CNTN4: variants seen among roughly 807,000 people sequenced by gnomAD.
CNTN4 encodes contactin 4.
Under a neutral mutation model 122.5 loss-of-function variants are expected in CNTN4, and 77 were observed. That is an observed-to-expected ratio of 0.63 (90% CI 0.52 to 0.76). CNTN4 has a LOEUF of 0.76. CNTN4 is among the 30% of genes least tolerant of loss of function. The pLI is 0.00. For missense variants in CNTN4, 1,256 were observed against 1,259.1 expected (o/e 1.00, Z 0.04); for synonymous variants, 512 against 447.0 (o/e 1.15, Z -1.83).
intron 8 of CNTN4, among the ~76,000 whole-genome samples, chr3:2,878,164 ACT>A (rs1450371765): frequency 1.3e-5 from 2 of 152,048 alleles, no homozygotes; most frequent in African/African-American, 2.4e-5. Context: ...ATTACTGATG[ACT>A]CTGTTATTCA....
intron 4 of CNTN4, among the ~76,000 whole-genome samples, chr3:2,618,108 A>G (rs894652499): frequency 2.4e-4 from 37 of 152,156 alleles, no homozygotes; most frequent in African/African-American, 8.2e-4. Flanking sequence ...GAACAGATAC[A>G]TGTTTACATG....
intron 6 of CNTN4, among the ~76,000 whole-genome samples, chr3:2,800,208 T>C (rs1358049415): frequency 2.0e-5 from 3 of 152,100 alleles, no homozygotes; most frequent in African/African-American, 4.8e-5. Flanking sequence ...AGGAATTGCA[T>C]TGAATCTGTA....
At chr3:2,673,861 G>A (rs1249370366) in intron 4 of CNTN4, among the ~76,000 whole-genome samples, 8 of 152,130 alleles carry the variant, frequency 5.3e-5, no homozygotes, top group Admixed American at 5.2e-4. Context: ...GTTTTAAGAG[G>A]CCTTGCAGCT....
chr3:2,682,338 C>T (rs1220925542), intron 4 of CNTN4, among the ~76,000 whole-genome samples: 2 of 152,136 alleles, frequency 1.3e-5, no homozygotes, highest in Non-Finnish European at 2.9e-5. Context: ...AAAGGTGGCT[C>T]GTTCACTAGG....
At chr3:2,853,791 A>G (rs2093585833) in intron 7 of CNTN4, among the ~76,000 whole-genome samples, 1 of 133,480 alleles carries the variant, frequency 7.5e-6, no homozygotes. Context: ...TGAATTTTAA[A>G]AATCTCTGAT....
rs941034569 is a variant in CNTN4, at chr3:2,778,076, T to C, written c.358+32379T>C. Reference sequence around the variant, plus strand: ...AAAAATACAAAAAATTAGCCGGGCGTGGTGGCGGGCGCCTGTAGTCCCAGC... The same window carrying C: ...AAAAATACAAAAAATTAGCCGGGCGCGGTGGCGGGCGCCTGTAGTCCCAGC... On this transcript the variant is annotated intron_variant, in intron 6 of 24. Transcript: ENST00000418658. Among the ~76,000 whole-genome samples the C allele has an allele frequency of 7.5e-5, 11 of 147,046 alleles. No homozygotes were observed. In the South Asian group the frequency reaches 9.1e-4, roughly 12 times the overall value.
Position 2,645,248 on chromosome 3 carries a change from T to C in CNTN4, c.55+73690T>C, listed in dbSNP as rs538507029. Among the ~76,000 whole-genome samples, 59 of 152,264 alleles carry C rather than the reference T, an allele frequency of 3.9e-4. 1 individual carries two copies. The highest frequency in any genetic ancestry group is 1.0e-3 in the Admixed American group (16 of 15,294). On this transcript the variant is annotated intron_variant, in intron 4 of 24. Transcript: ENST00000418658. ...AAGCCAGTTAGTGACATTATTTCCT[T>C]ATGTTCTAGAAACCTGATAATACCT...
intron 13 of CNTN4, among the ~76,000 whole-genome samples, chr3:2,961,778 C>A (rs1363141122): frequency 6.6e-6 from 1 of 152,102 alleles, no homozygotes; most frequent in African/African-American, 2.4e-5. Context: ...TGGAGTTTAG[C>A]CATGGTGCAA....
chr3:2,756,476 T>C (rs896571289), intron 6 of CNTN4, among the ~76,000 whole-genome samples: 5 of 152,194 alleles, frequency 3.3e-5, no homozygotes, highest in Non-Finnish European at 7.3e-5. Flanking sequence ...CCTCCAGAAC[T>C]GTGAGAAATA....
intron 6 of CNTN4, among the ~76,000 whole-genome samples, chr3:2,762,451 A>G (rs148576787): frequency 4.7e-4 from 72 of 152,310 alleles, no homozygotes; most frequent in African/African-American, 1.6e-3. Context: ...ACTTATAAGT[A>G]AGAACATGCA....
intron 6 of CNTN4, among the ~76,000 whole-genome samples, chr3:2,753,216 C>T (rs537955259): frequency 5.4e-4 from 82 of 152,314 alleles, no homozygotes; most frequent in Non-Finnish European, 1.1e-3. Flanking sequence ...GCCCTGGAGT[C>T]AGACTCCTTG....
At chr3:2,979,373 G>T (rs1472449660) in intron 13 of CNTN4, among the ~76,000 whole-genome samples, 1 of 152,146 alleles carries the variant, frequency 6.6e-6, no homozygotes, top group Non-Finnish European at 1.5e-5. Context: ...AATGAGAAGA[G>T]AAAAGAGAGA....
At chr3:2,972,607 C>G (rs1393771037) in intron 13 of CNTN4, among the ~76,000 whole-genome samples, 3 of 152,178 alleles carry the variant, frequency 2.0e-5, no homozygotes, top group African/African-American at 7.2e-5. Flanking sequence ...TTTCAGAACA[C>G]TATCTTCCTT....
At chr3:2,475,536 T>G (rs889023965) in intron 3 of CNTN4, among the ~76,000 whole-genome samples, 7 of 152,172 alleles carry the variant, frequency 4.6e-5, no homozygotes, top group African/African-American at 1.7e-4. Flanking sequence ...ATGTTTCATT[T>G]CAAAATGTAA....
At chr3:3,019,808 A>T (rs1212036232) in intron 14 of CNTN4, among the ~76,000 whole-genome samples, 1 of 144,562 alleles carries the variant, frequency 6.9e-6, no homozygotes, top group Non-Finnish European at 1.5e-5. Context: ...ACACATGCAT[A>T]TATATATACA....
At chr3:2,893,121 G>A (rs1351193672) in intron 10 of CNTN4, among the ~76,000 whole-genome samples, 14 of 152,084 alleles carry the variant, frequency 9.2e-5, no homozygotes, top group Admixed American at 9.2e-4. Context: ...TTGGTCACCT[G>A]GTTATTGAGT....
chr3:2,209,480 G>C (rs1178942556), intron 2 of CNTN4, among the ~76,000 whole-genome samples: 1 of 152,074 alleles, frequency 6.6e-6, no homozygotes, highest in Non-Finnish European at 1.5e-5. Context: ...CATACCATCA[G>C]CATCATCTAC....
intron 2 of CNTN4, among the ~76,000 whole-genome samples, chr3:2,307,054 A>G (rs941769349): frequency 6.6e-6 from 1 of 152,310 alleles, no homozygotes. Context: ...AAATTGAGAT[A>G]GTTTTGTTCA....
intron 3 of CNTN4, among the ~76,000 whole-genome samples, chr3:2,527,234 A>G (rs2077429622): frequency 6.6e-6 from 1 of 152,140 alleles, no homozygotes; most frequent in South Asian, 2.1e-4. Context: ...TTTCCAGCTG[A>G]GGGCTGTGAC....
Sources: allele counts gnomAD v4.1 joint callset (sites outside exome capture counted in the v4.1 genomes callset), GRCh38; gene constraint gnomAD v4.1.1; transcripts MANE v1.5; gene names NCBI Gene and HGNC (gene_info 2026-07-23, HGNC 2026-07-21).